Variants in ENTPD7 observed in about 807,000 individuals in gnomAD.
ENTPD7 encodes NTPDase 7.
ENTPD7 carries 53 observed loss-of-function variants against 77.9 expected under a neutral mutation model. That is an observed-to-expected ratio of 0.68 (90% CI 0.55 to 0.85). The LOEUF is 0.85. ENTPD7 is among the 40% of genes least tolerant of loss of function. The pLI, the probability that ENTPD7 is intolerant of heterozygous loss-of-function variation, is 0.00. For synonymous variants in ENTPD7, 248 were observed against 274.9 expected (o/e 0.90, Z 0.97); for missense variants, 636 against 743.7 (o/e 0.86, Z 1.68).
chr10:99,661,027 C>T (rs2035478726), intron 2 of ENTPD7, among the ~76,000 whole-genome samples: 1 of 152,070 alleles, frequency 6.6e-6, no homozygotes, highest in African/African-American at 2.4e-5. Flanking sequence ...TCCTTTTAAA[C>T]TGATTTGTCT....
intron 5 of ENTPD7, among the ~76,000 whole-genome samples, chr10:99,681,515 T>G (rs149103287): frequency 5.8e-4 from 89 of 152,224 alleles, no homozygotes; most frequent in African/African-American, 2.1e-3. Context: ...AGTCCTGGGC[T>G]CAAGCAGTCT....
At position 99,698,582 on chromosome 10, in the gene ENTPD7, TC is replaced by T; in HGVS notation, c.1062del (p.Cys355AlafsTer32). The T allele has an allele frequency of 6.2e-7, 1 of 1,614,146 alleles. No homozygotes were observed. Among genetic ancestry groups the T allele is most frequent in the South Asian group, 1.1e-5 (1 of 91,072 alleles). On this transcript the variant is annotated frameshift_variant, in exon 10 of 13. Transcript: ENST00000370489. LOFTEE classifies it high-confidence loss of function. ...TGAGTCCCGACAATCCATTTCTGGA[TC>T]CCTGCCTGCCAGTGGGACTCACAGA... Reference protein sequence around the residue: ...GLSPDNPFLDPCLPVGLTDVV... With the variant: ...GLSPDNPFLDXCLPVGLTDVV...
chr10:99,680,511 A>T (rs1022074826), intron 5 of ENTPD7, among the ~76,000 whole-genome samples: 40 of 150,814 alleles, frequency 2.7e-4, no homozygotes, highest in African/African-American at 8.5e-4. Context: ...GGGAAGAATG[A>T]GCTCCCTGAC....
At chr10:99,693,062 T>C (rs537970942) in intron 8 of ENTPD7, among the ~76,000 whole-genome samples, 7 of 152,134 alleles carry the variant, frequency 4.6e-5, no homozygotes, top group Admixed American at 6.5e-5. Context: ...CCCAATGTAA[T>C]TGAGCGATTG....
chr10:99,696,944 G>A (rs866166166), intron 9 of ENTPD7, among the ~76,000 whole-genome samples: 2 of 152,120 alleles, frequency 1.3e-5, no homozygotes, highest in African/African-American at 2.4e-5. Context: ...ACCCAGTCAC[G>A]GAGAGAAGGA....
At chr10:99,688,559 CT>C in intron 6 of ENTPD7, 134 bp from the exon 7 acceptor site, 2 of 709,592 alleles carry the variant, frequency 2.8e-6, no homozygotes, top group South Asian at 6.9e-5. Context: ...TTTGAAATTC[CT>C]ACATTGAGAG....
chr10:99,666,755 C>T lies in ENTPD7; in HGVS notation c.191+5127C>T, dbSNP rs116026985. 3.3e-3 allele frequency among the ~76,000 whole-genome samples: 496 copies of T among 152,236 alleles called. 3 individuals carry two copies. Among genetic ancestry groups the T allele is most frequent in the African/African-American group, 0.011 (474 of 41,534 alleles). On this transcript the variant is annotated intron_variant, in intron 3 of 12. Coordinates refer to ENST00000370489, the MANE Select transcript of ENTPD7 (RefSeq NM_020354.5). Reference sequence around the variant, plus strand: ...ACATTAGCCTACTGTTGTGCAAAACCACCTAACAGAAGGCATATTTTATAA... The same window carrying T: ...ACATTAGCCTACTGTTGTGCAAAACTACCTAACAGAAGGCATATTTTATAA...
chr10:99,664,014 AT>A (rs1054576965), intron 3 of ENTPD7, among the ~76,000 whole-genome samples: 1 of 151,316 alleles, frequency 6.6e-6, no homozygotes, highest in Non-Finnish European at 1.5e-5. Context: ...CTGCTTTCAA[AT>A]TTGTTAGTAT....
At chr10:99,662,040 C>A (rs1282556751) in intron 3 of ENTPD7, among the ~76,000 whole-genome samples, 3 of 152,160 alleles carry the variant, frequency 2.0e-5, no homozygotes, top group African/African-American at 7.2e-5. Flanking sequence ...GATATTTCTT[C>A]TATAGTTTTA....
chr10:99,660,532 A>G (rs780773544), intron 2 of ENTPD7: 1,172 of 78,536 alleles, frequency 0.015, 16 homozygotes, highest in African/African-American at 0.094. Flanking sequence ...ATACGCACAC[A>G]CACACACACA....
chr10:99,693,047 G>A (rs1333771455), intron 8 of ENTPD7, among the ~76,000 whole-genome samples: 2 of 152,148 alleles, frequency 1.3e-5, no homozygotes, highest in East Asian at 3.9e-4. Context: ...AGTTTGGAGT[G>A]AAAACCCAAT....
Position 99,679,441 on chromosome 10 carries a change from A to T in ENTPD7, c.372A>T (p.Gln124His), listed in dbSNP as rs2133459581. ...DIKQMRDRNS[Q>H]PVVKKIKPGI... ...AACAGATGAGAGACCGCAACAGCCA[A>T]CCAGTGGTTAAAAAAATCAAGCCAG... Residue 124 changes from glutamine to histidine, a missense_variant, in exon 4 of 13, where the codon CAA (glutamine) becomes CAT (histidine). Physicochemically the swap from Gln to His is conservative, Grantham distance 24 (BLOSUM62 0). This residue lies in a region of ENTPD7 where 486 missense variants were observed against 556.5 expected (regional missense o/e 0.87). Transcript: ENST00000370489. 1 of 1,613,336 alleles carries T rather than the reference A, an allele frequency of 6.2e-7. No individual in the cohort carries two copies.
In ENTPD7 at chr10:99,691,473, T is replaced by C. The variant is rs148606856; in HGVS notation, c.798T>C (p.Ile266=). ...ATATGGGAGGAGCCTCTCTCCAAAT[T>C]GCTTATGAAGTTCCTACCTCAACCT... is the stretch of plus-strand genomic sequence containing the variant. The part of the protein sequence containing the change: ...ILDMGGASLQ[I]AYEVPTSTSV... The change falls in exon 8 of 13, where the codon ATT becomes ATC. Residue 266 remains isoleucine (I), a synonymous_variant. Transcript: ENST00000370489. 6.8e-4 allele frequency: 1,105 copies of C among 1,614,106 alleles called. 3 individuals carry two copies. The highest frequency in any genetic ancestry group is 3.0e-3 in the Middle Eastern group (18 of 6,012).
intron 6 of ENTPD7, among the ~76,000 whole-genome samples, 156 bp from the exon 7 acceptor site, chr10:99,688,538 A>C (rs565904165): frequency 6.6e-6 from 1 of 152,378 alleles, no homozygotes; most frequent in African/African-American, 2.4e-5. Flanking sequence ...AAAAAATCAC[A>C]AGATGAAAGA....
At position 99,704,875 on chromosome 10, in the gene ENTPD7, C is replaced by T; in HGVS notation, c.*192C>T. ...TCTCTGAGAGAAGCTATAATTTAAT[C>T]TGTGAGGAACTAAATGACAGGAGAT... On this transcript the variant is annotated 3_prime_UTR_variant, in exon 13 of 13. Transcript: ENST00000370489. 1.6e-6 allele frequency: 1 copy of T among 612,162 alleles called. No individual in the cohort carries two copies. Among genetic ancestry groups the T allele is most frequent in the Admixed American group, 3.0e-5 (1 of 33,632 alleles). 37.9% of individuals were successfully genotyped at this position (612,162 alleles called of 1,614,324 possible).
intron 3 of ENTPD7, among the ~76,000 whole-genome samples, chr10:99,676,399 G>C (rs1183789089): frequency 6.6e-6 from 1 of 152,096 alleles, no homozygotes; most frequent in African/African-American, 2.4e-5. Context: ...CCCCAAATTT[G>C]AGAACCAGCG....
intron 6 of ENTPD7, among the ~76,000 whole-genome samples, chr10:99,687,259 CTTTTTTTT>C (rs71009768): frequency 6.8e-5 from 2 of 29,522 alleles, no homozygotes; most frequent in African/African-American, 1.4e-4. Flanking sequence ...TTCTTTCTTT[CTTTTTTTT>C]TTTTTTTTTT....
chr10:99,692,415 CAG>C (rs1267542296), intron 8 of ENTPD7, among the ~76,000 whole-genome samples: 1 of 152,268 alleles, frequency 6.6e-6, no homozygotes, highest in East Asian at 1.9e-4. Flanking sequence ...CTGGTTTAAA[CAG>C]AGAGCTGTGG....
At chr10:99,694,297 GT>G (rs1206174597) in intron 8 of ENTPD7, among the ~76,000 whole-genome samples, 1 of 152,146 alleles carries the variant, frequency 6.6e-6, no homozygotes, top group Non-Finnish European at 1.5e-5. Context: ...AATATGTGGT[GT>G]TTTATGTCTG....
Sources: allele counts gnomAD v4.1 joint callset (sites outside exome capture counted in the v4.1 genomes callset), GRCh38; gene constraint gnomAD v4.1.1; regional missense constraint gnomAD v4.1.1; transcripts MANE v1.5; gene names NCBI Gene and HGNC (gene_info 2026-07-23, HGNC 2026-07-21).